The following PCDHGA6 variants were observed in gnomAD, a reference collection of about 807,000 sequenced individuals.
PCDHGA6 encodes the protein protocadherin gamma subfamily A, 6, also known as protocadherin gamma-A6.
A neutral mutation model predicts 60.6 loss-of-function variants in PCDHGA6; 41 were observed. That is an observed-to-expected ratio of 0.68 (90% confidence interval 0.53 to 0.88). The LOEUF (loss-of-function observed/expected upper bound fraction) is 0.88. Ranked by LOEUF, PCDHGA6 falls within the 40% of genes least tolerant of loss-of-function variation. The probability of loss-of-function intolerance (pLI) is 0.00; values close to 1 mark genes in which losing one functional copy is unlikely to be tolerated. For missense variants in PCDHGA6, 1,312 were observed against 1,203.0 expected, an observed-to-expected ratio of 1.09 and a Z score of -1.34; for synonymous variants, 594 against 524.4, an observed-to-expected ratio of 1.13 and a Z score of -1.81.
At position 141,432,480 on chromosome 5, in the gene PCDHGA6, G is replaced by C; in HGVS notation, c.2424+55973G>C. ...GCCCTCCCCACGGACGGTTCCACTGGCGTGGAGCTGGCTCCCCGCTCCGCA... is the reference window on the plus strand; with the variant it reads ...GCCCTCCCCACGGACGGTTCCACTGCCGTGGAGCTGGCTCCCCGCTCCGCA... On this transcript the variant is annotated intron_variant, in intron 1 of 3. Coordinates refer to ENST00000517434, the MANE Select transcript of PCDHGA6 (RefSeq NM_018919.3). The surrounding 1 kb of genome is among the most constrained non-coding windows in gnomAD (Gnocchi z 6.0). 6 of 1,614,180 alleles carry C rather than the reference G, an allele frequency of 3.7e-6. No homozygotes were observed. Among genetic ancestry groups the C allele is most frequent in the Non-Finnish European group, 5.1e-6 (6 of 1,180,044 alleles).
At chr5:141,506,444 CAAA>C (rs1219684339) in intron 3 of PCDHGA6, among the ~76,000 whole-genome samples, 12 of 95,004 alleles carry the variant, frequency 1.3e-4, no homozygotes, top group Admixed American at 3.3e-4. Context: ...CGCTCTGTCT[CAAA>C]AAAAAAAAAA....
intron 1 of PCDHGA6, among the ~76,000 whole-genome samples, chr5:141,472,527 G>A (rs905459978): frequency 1.3e-5 from 2 of 151,468 alleles, no homozygotes; most frequent in African/African-American, 4.9e-5. Flanking sequence ...GTGACAGAGT[G>A]AGACACCATC....
rs1328089059 is a variant in PCDHGA6, at chr5:141,478,532, G to A, written c.2425-16275G>A. 4.4e-6 allele frequency: 7 copies of A among 1,607,742 alleles called. No homozygotes were observed. The East Asian group carries it at 1.6e-4, about 36-fold the overall frequency. On this transcript the variant is annotated intron_variant, in intron 1 of 3. Coordinates refer to ENST00000517434, the MANE Select transcript of PCDHGA6 (RefSeq NM_018919.3). Reference sequence around the variant, plus strand: ...TAGGCAGGTGTTGGGTGCAGAGAGCGCCCCTCCCGGACAGGTAAGGTTTAG... The same window carrying A: ...TAGGCAGGTGTTGGGTGCAGAGAGCACCCCTCCCGGACAGGTAAGGTTTAG...
rs571588941 is a variant in PCDHGA6, at chr5:141,428,181, A to T, written c.2424+51674A>T. The T allele has an allele frequency of 1.2e-4, 181 of 1,486,230 alleles. 2 individuals carry two copies. In the South Asian group the frequency reaches 2.0e-3, roughly 16 times the overall value. The allele number at this position is 1,486,230 out of a possible 1,614,324, so 92.1% of individuals were successfully genotyped here. A position where few individuals can be genotyped will look rare whatever the true frequency, so the allele number is the denominator to read the frequency against. ...CTGGTTGCTGTGCGTGACGGAGGAC[A>T]GCCGCCGCTCTCTGCGCCGCTACGC... On this transcript the variant is annotated intron_variant, in intron 1 of 3. Coordinates refer to ENST00000517434, the MANE Select transcript of PCDHGA6 (RefSeq NM_018919.3).
chr5:141,418,433 C>A (rs761824602), intron 1 of PCDHGA6: 6 of 1,613,820 alleles, frequency 3.7e-6, no homozygotes, highest in South Asian at 3.3e-5. Flanking sequence ...TGGCAAATAT[C>A]CAGAATTAGT....
At chr5:141,414,081 T>C (rs748527220) in intron 1 of PCDHGA6, 1 of 1,601,774 alleles carries the variant, frequency 6.2e-7, no homozygotes, top group South Asian at 1.1e-5. Flanking sequence ...ACAAATATAC[T>C]GGAGAAATAA....
chr5:141,505,270 G>C, intron 2 of PCDHGA6, 123 bp from the exon 3 acceptor site: 1 of 1,520,726 alleles, frequency 6.6e-7, no homozygotes, highest in African/African-American at 1.4e-5. Context: ...CTTGCTGAGA[G>C]AAACAGGTCT....
chr5:141,387,704 GC>G (rs1273015763), intron 1 of PCDHGA6: 1 of 969,516 alleles, frequency 1.0e-6, no homozygotes, highest in African/African-American at 1.6e-5. Flanking sequence ...TTCCAGGGCA[GC>G]CCCAGCTCAG....
In PCDHGA6 at chr5:141,489,645, C is replaced by T; in HGVS notation, c.2425-5162C>T. 1.2e-6 allele frequency: 2 copies of T among 1,614,156 alleles called. No homozygotes were observed. The highest frequency in any genetic ancestry group is 2.7e-5 in the African/African-American group (2 of 75,022). On this transcript the variant is annotated intron_variant, in intron 1 of 3. Transcript: ENST00000517434. This position sits in a 1 kb window ranked among gnomAD's most constrained non-coding sequence, Gnocchi z 4.5. ...ATGACAACTCTCCTAGCTTTGCCAC[C>T]CCTGAGCGAGAGATGCGCATCTCAG...
At chr5:141,404,469 C>T (rs1239367876) in intron 1 of PCDHGA6, 3 of 1,612,966 alleles carry the variant, frequency 1.9e-6, no homozygotes, top group African/African-American at 1.3e-5. Flanking sequence ...ACCTATGTCT[C>T]TATTAACTCA....
chr5:141,393,865 C>G lies in PCDHGA6; in HGVS notation c.2424+17358C>G, dbSNP rs770874961. The G allele has an allele frequency of 4.3e-6, 7 of 1,613,838 alleles. No individual in the cohort carries two copies. In the African/African-American group the frequency reaches 8.0e-5, roughly 18 times the overall value. ...AATAGACCAGAAGTGATCATTACGT[C>G]TTTGTTTAGCCCAGTGTTAGAAAAT... On this transcript the variant is annotated intron_variant, in intron 1 of 3. Transcript: ENST00000517434.
At chr5:141,395,102 G>A (rs766050798) in intron 1 of PCDHGA6, 2 of 1,614,172 alleles carry the variant, frequency 1.2e-6, no homozygotes, top group East Asian at 2.2e-5. Flanking sequence ...CCGCCGACTC[G>A]CGGAAGAGTC....
At chr5:141,415,177 G>A (rs758980730) in intron 1 of PCDHGA6, 26 of 1,613,808 alleles carry the variant, frequency 1.6e-5, no homozygotes, top group East Asian at 4.5e-5. Flanking sequence ...CACCGTGGCC[G>A]TGGCCGACAG....
intron 1 of PCDHGA6, chr5:141,403,092 A>G (rs764199669): frequency 6.2e-7 from 1 of 1,614,086 alleles, no homozygotes; most frequent in East Asian, 2.2e-5. Flanking sequence ...ATTGTGGGCA[A>G]CATCTCCAAG....
At chr5:141,426,048 A>G (rs2096911760) in intron 1 of PCDHGA6, among the ~76,000 whole-genome samples, 1 of 152,182 alleles carries the variant, frequency 6.6e-6, no homozygotes, top group Non-Finnish European at 1.5e-5. Context: ...CTGTTGGCCA[A>G]TGTGCTGCAA....
chr5:141,503,773 C>A (rs961986223), intron 2 of PCDHGA6, among the ~76,000 whole-genome samples: 1 of 152,204 alleles, frequency 6.6e-6, no homozygotes. Context: ...TGTGTCTGTT[C>A]TTAGGCTGAG....
intron 3 of PCDHGA6, among the ~76,000 whole-genome samples, chr5:141,508,848 TC>T (rs1390332366): frequency 6.6e-5 from 10 of 151,752 alleles, no homozygotes. Context: ...CCCCTTCCAT[TC>T]CCAGGCTGGG....
intron 1 of PCDHGA6, chr5:141,478,367 C>T (rs2099451272): frequency 1.2e-6 from 2 of 1,613,750 alleles, no homozygotes; most frequent in South Asian, 2.2e-5. Context: ...GCGGGGAGGC[C>T]TGATGTCGCC....
At chr5:141,403,979 A>G in intron 1 of PCDHGA6, 1 of 1,613,932 alleles carries the variant, frequency 6.2e-7, no homozygotes, top group Non-Finnish European at 8.5e-7. Context: ...TGTAAATGAC[A>G]ATAGACCTGA....
Sources: allele counts gnomAD v4.1 joint callset (sites outside exome capture counted in the v4.1 genomes callset), GRCh38; gene constraint gnomAD v4.1.1; non-coding constraint Gnocchi (gnomAD v3.1); transcripts MANE v1.5; gene names NCBI Gene and HGNC (gene_info 2026-07-23, HGNC 2026-07-21).